Variants in RELN observed in about 807,000 individuals in gnomAD.
RELN encodes the protein reelin.
Under a neutral mutation model 427.6 loss-of-function variants are expected in RELN, and 108 were observed. The ratio of observed to expected loss-of-function variants is 0.25; its 90% CI spans 0.22 to 0.30. The LOEUF (loss-of-function observed/expected upper bound fraction) is 0.30, where lower values mean the gene tolerates loss of function less well. Ranked by LOEUF, RELN falls within the 10% of genes least tolerant of loss-of-function variation. The probability of loss-of-function intolerance (pLI) is 1.00; values close to 1 mark genes in which losing one functional copy is unlikely to be tolerated. For missense variants in RELN, 3,715 were observed against 4,302.8 expected (o/e 0.86, Z 3.82); for synonymous variants, 1,524 against 1,513.4 (o/e 1.01, Z -0.16).
At chr7:103,502,901 GAGAA>G in intron 52 of RELN, 111 bp downstream of exon 52, 5 of 872,136 alleles carry the variant, frequency 5.7e-6, no homozygotes, top group Non-Finnish European at 9.5e-6. Flanking sequence ...TAGAGTTAGG[GAGAA>G]AGAAAGCACT....
At chr7:103,809,306 C>T (rs948407168) in intron 3 of RELN, among the ~76,000 whole-genome samples, 6 of 152,058 alleles carry the variant, frequency 3.9e-5, no homozygotes, top group Non-Finnish European at 5.9e-5. Flanking sequence ...CTCCAAATAA[C>T]GACAGTGGTA....
At chr7:103,614,287 T>G (rs1016912959) in intron 20 of RELN, among the ~76,000 whole-genome samples, 6 of 152,260 alleles carry the variant, frequency 3.9e-5, no homozygotes, top group Admixed American at 2.0e-4. Context: ...TGGTGTGGAC[T>G]GATCCAGCTG....
chr7:103,543,825 G>GAT (rs1482341064), intron 42 of RELN, among the ~76,000 whole-genome samples: 3 of 152,066 alleles, frequency 2.0e-5, no homozygotes, highest in African/African-American at 7.2e-5. Context: ...GCATTTAGTT[G>GAT]ATACACTCTG....
intron 48 of RELN, among the ~76,000 whole-genome samples, chr7:103,520,405 A>G (rs1214556189): frequency 6.6e-6 from 1 of 152,024 alleles, no homozygotes; most frequent in African/African-American, 2.4e-5. Flanking sequence ...CCTCCCGAGT[A>G]GCTGGGACCA....
chr7:103,543,496 A>G (rs573157884), intron 42 of RELN, among the ~76,000 whole-genome samples: 1 of 152,112 alleles, frequency 6.6e-6, no homozygotes, highest in Admixed American at 6.5e-5. Flanking sequence ...AAATACAAAA[A>G]TTAGCTAGGT....
At chr7:103,869,941 T>G (rs1794289976) in intron 2 of RELN, among the ~76,000 whole-genome samples, 2 of 152,192 alleles carry the variant, frequency 1.3e-5, no homozygotes, top group Admixed American at 1.3e-4. Flanking sequence ...CTCTGTCGCA[T>G]TTGATCTGTA....
At position 103,495,732 on chromosome 7, in the gene RELN, C is replaced by T. The variant is rs773639492; in HGVS notation, c.9360G>A (p.Met3120Ile). 5 of 1,614,014 alleles carry T rather than the reference C, an allele frequency of 3.1e-6. No individual in the cohort carries two copies. Among genetic ancestry groups the T allele is most frequent in the Non-Finnish European group, 2.5e-6 (3 of 1,179,960 alleles). ...AGCCACTTTTCCTTACTTTAAACTG[C>T]ATCATGTATCCTGGCTGTATAATGA... The part of the protein sequence containing the change: ...RELIIQPGYM[M>I]QFKIVVGCEA... Residue 3120 changes from methionine to isoleucine, a missense_variant, in exon 57 of 65, where the codon ATG (methionine) becomes ATA (isoleucine). Met to Ile is a conservative substitution (Grantham distance 10). Around this residue, in one of 4 missense-constraint regions of RELN, gnomAD observed 1,310 missense variants for 1,643.0 expected, o/e 0.80. Transcript: ENST00000428762.
At chr7:103,730,300 T>A (rs976214310) in intron 6 of RELN, among the ~76,000 whole-genome samples, 8 of 152,050 alleles carry the variant, frequency 5.3e-5, no homozygotes, top group African/African-American at 1.9e-4. Context: ...CAAGAAAATA[T>A]CTATATATAA....
intron 57 of RELN, among the ~76,000 whole-genome samples, chr7:103,495,350 C>A (rs1392269928): frequency 6.6e-6 from 1 of 151,732 alleles, no homozygotes; most frequent in Non-Finnish European, 1.5e-5. Context: ...TTTATAGAGA[C>A]AAGGTTTTGC....
intron 1 of RELN, among the ~76,000 whole-genome samples, chr7:103,965,627 G>A (rs893637422): frequency 1.3e-5 from 2 of 152,040 alleles, no homozygotes; most frequent in Non-Finnish European, 2.9e-5. Context: ...TTTGGGCATC[G>A]AAAATTAACC....
chr7:103,880,719 C>G (rs1241341378), intron 2 of RELN, among the ~76,000 whole-genome samples: 1 of 152,136 alleles, frequency 6.6e-6, no homozygotes, highest in Non-Finnish European at 1.5e-5. Flanking sequence ...CAGAGTCTAC[C>G]TCTGTCATGC....
At chr7:103,504,735 C>G (rs1319110793) in intron 51 of RELN, among the ~76,000 whole-genome samples, 1 of 152,190 alleles carries the variant, frequency 6.6e-6, no homozygotes, top group Non-Finnish European at 1.5e-5. Flanking sequence ...GCTTTTCCCA[C>G]AGTCTTTGCA....
chr7:103,512,301 G>C (rs183188984), intron 50 of RELN, among the ~76,000 whole-genome samples: 1 of 152,022 alleles, frequency 6.6e-6, no homozygotes, highest in Non-Finnish European at 1.5e-5. Flanking sequence ...TGTTTAATTT[G>C]GCCAAAAGTA....
At chr7:103,894,232 T>C (rs1053783835) in intron 2 of RELN, among the ~76,000 whole-genome samples, 9 of 152,188 alleles carry the variant, frequency 5.9e-5, no homozygotes, top group South Asian at 2.1e-4. Context: ...CAGCATTTCG[T>C]TATTTATAAA....
At chr7:103,930,108 G>A (rs1479732242) in intron 1 of RELN, among the ~76,000 whole-genome samples, 1 of 152,154 alleles carries the variant, frequency 6.6e-6, no homozygotes, top group Non-Finnish European at 1.5e-5. Context: ...ATAAACAACA[G>A]ACATTTATTT....
At chr7:103,553,896 T>A in intron 38 of RELN, 65 bp from the exon 39 acceptor site, 3 of 1,414,124 alleles carry the variant, frequency 2.1e-6, no homozygotes, top group Non-Finnish European at 3.0e-6. Flanking sequence ...CTTTTGCTCA[T>A]TGAAAGAAAG....
intron 1 of RELN, among the ~76,000 whole-genome samples, chr7:103,956,167 A>G (rs1206483723): frequency 6.6e-6 from 1 of 152,210 alleles, no homozygotes; most frequent in South Asian, 2.1e-4. Flanking sequence ...CATAGACCAT[A>G]AAGTGCTACA....
chr7:103,599,954 T>A (rs1238297319), intron 24 of RELN, among the ~76,000 whole-genome samples: 2 of 152,208 alleles, frequency 1.3e-5, no homozygotes, highest in Non-Finnish European at 2.9e-5. Flanking sequence ...TGGAGTGTAA[T>A]GGTGTGATCA....
Position 103,606,363 on chromosome 7 carries a change from G to A in RELN, c.3009-1880C>T, listed in dbSNP as rs150740495. On this transcript the variant is annotated intron_variant, in intron 22 of 64. Coordinates refer to ENST00000428762, the MANE Select transcript of RELN (RefSeq NM_005045.4). ...CCTGCTTATGGCTTCTGTAGGTGAC[G>A]GAATGAAGAATGTACTAGTAGTTGG... Among the ~76,000 whole-genome samples, 497 of 152,258 alleles carry A rather than the reference G, an allele frequency of 3.3e-3. 7 individuals carry two copies. Among genetic ancestry groups the A allele is most frequent in the African/African-American group, 0.011 (475 of 41,568 alleles).
Sources: allele counts gnomAD v4.1 joint callset (sites outside exome capture counted in the v4.1 genomes callset), GRCh38; gene constraint gnomAD v4.1.1; regional missense constraint gnomAD v4.1.1; transcripts MANE v1.5; gene names NCBI Gene and HGNC (gene_info 2026-07-23, HGNC 2026-07-21).